NRG1: variants seen among roughly 807,000 people sequenced by gnomAD.
NRG1 encodes neuregulin 1, also known as pro-neuregulin-1, membrane-bound isoform.
In NRG1, 18 loss-of-function variants were observed where a neutral mutation model predicts 63.8. The ratio of observed to expected loss-of-function variants is 0.28; its 90% CI spans 0.19 to 0.42. NRG1 has a LOEUF of 0.42. Among genes scored for constraint, NRG1 ranks in the 10% least tolerant of loss-of-function variants. The pLI is 1.00. For missense variants in NRG1, 762 were observed against 814.7 expected (o/e 0.94, Z 0.79); for synonymous variants, 302 against 301.3 (o/e 1.00, Z -0.02).
intron 1 of NRG1, among the ~76,000 whole-genome samples, chr8:31,994,042 G>A (rs182884283): frequency 3.3e-5 from 5 of 152,000 alleles, no homozygotes; most frequent in Admixed American, 6.6e-5. Flanking sequence ...ATTTTGGCAG[G>A]GTCTAGTTGC....
At chr8:32,491,071 T>C (rs969277725) in intron 1 of NRG1, among the ~76,000 whole-genome samples, 13 of 152,196 alleles carry the variant, frequency 8.5e-5, no homozygotes, top group African/African-American at 3.1e-4. Context: ...CACTGCTTAA[T>C]TATTACGGTT....
intron 1 of NRG1, among the ~76,000 whole-genome samples, chr8:32,062,361 A>G (rs1824027933): frequency 1.3e-5 from 2 of 151,812 alleles, no homozygotes; most frequent in African/African-American, 4.9e-5. Context: ...CTGGATTTTG[A>G]AAAGTATATT....
chr8:32,400,499 C>G (rs1163046797), intron 1 of NRG1, among the ~76,000 whole-genome samples: 1 of 152,194 alleles, frequency 6.6e-6, no homozygotes, highest in Admixed American at 6.5e-5. Flanking sequence ...CGAACAGACA[C>G]TTTTCAAGAG....
At chr8:31,707,126 T>C (rs1237163908) in intron 1 of NRG1, among the ~76,000 whole-genome samples, 2 of 152,112 alleles carry the variant, frequency 1.3e-5, no homozygotes, top group Non-Finnish European at 2.9e-5. Context: ...CTTCCAAGAT[T>C]ATAAAGGAAA....
chr8:32,484,938 G>A (rs951027433), intron 1 of NRG1, among the ~76,000 whole-genome samples: 12 of 152,224 alleles, frequency 7.9e-5, no homozygotes, highest in East Asian at 5.8e-4. Flanking sequence ...AAGATCAGGC[G>A]TAGTGAACAT....
intron 1 of NRG1, among the ~76,000 whole-genome samples, chr8:31,909,639 C>T (rs1832782901): frequency 6.6e-6 from 1 of 152,164 alleles, no homozygotes; most frequent in Non-Finnish European, 1.5e-5. Context: ...CATATGCCTC[C>T]TCTTTACATA....
At chr8:32,599,958 G>C (rs1372053365) in intron 2 of NRG1, among the ~76,000 whole-genome samples, 1 of 152,084 alleles carries the variant, frequency 6.6e-6, no homozygotes, top group African/African-American at 2.4e-5. Flanking sequence ...AATGGAAAAA[G>C]TTTATGTGCA....
At chr8:32,010,785 T>A (rs917029919) in intron 1 of NRG1, among the ~76,000 whole-genome samples, 1 of 152,088 alleles carries the variant, frequency 6.6e-6, no homozygotes, top group Non-Finnish European at 1.5e-5. Flanking sequence ...TAGGTGGGCC[T>A]GGTGTTACAT....
Position 31,927,476 on chromosome 8 carries a change from T to C in NRG1, c.37+288045T>C, listed in dbSNP as rs1160778276. On this transcript the variant is annotated intron_variant, in intron 1 of 10. Transcript: ENST00000519301. ...TTTTTTTTTTTTTTTTGAGACGGAG[T>C]CTCGCTCTGTCGCCCAGGCTGGAGT... Among the ~76,000 whole-genome samples the C allele has an allele frequency of 2.4e-5, 3 of 123,862 alleles. No homozygotes were observed. The East Asian group carries it at 7.5e-4, about 31-fold the overall frequency. 81.3% of individuals were successfully genotyped at this position (123,862 alleles called of 152,430 possible). A position where few individuals can be genotyped will look rare whatever the true frequency, so the allele number is the denominator to read the frequency against.
chr8:32,603,009 A>G (rs907666248), intron 2 of NRG1, among the ~76,000 whole-genome samples: 3 of 152,206 alleles, frequency 2.0e-5, no homozygotes, highest in Non-Finnish European at 2.9e-5. Context: ...GTTAAGACAT[A>G]TCTATTTGCA....
At chr8:31,723,977 T>C (rs1020117191) in intron 1 of NRG1, among the ~76,000 whole-genome samples, 1 of 152,158 alleles carries the variant, frequency 6.6e-6, no homozygotes, top group Non-Finnish European at 1.5e-5. Context: ...ATGTCATTCT[T>C]CCTGGATTTT....
At chr8:31,970,204 G>T (rs921760954) in intron 1 of NRG1, among the ~76,000 whole-genome samples, 1 of 152,090 alleles carries the variant, frequency 6.6e-6, no homozygotes, top group Non-Finnish European at 1.5e-5. Context: ...AGGTTCTGAA[G>T]ATACTAACTT....
chr8:32,607,783 G>C (rs1236825711), intron 3 of NRG1, among the ~76,000 whole-genome samples: 1 of 152,052 alleles, frequency 6.6e-6, no homozygotes, highest in Non-Finnish European at 1.5e-5. Context: ...TTTTTACCTG[G>C]CAAGAATAAA....
At chr8:32,252,979 T>C (rs1463437785) in intron 1 of NRG1, among the ~76,000 whole-genome samples, 1 of 152,246 alleles carries the variant, frequency 6.6e-6, no homozygotes, top group Admixed American at 6.5e-5. Context: ...AGTTCACTCA[T>C]GATTTGGCTC....
chr8:31,692,783 G>A (rs530774871), intron 1 of NRG1, among the ~76,000 whole-genome samples: 1 of 152,136 alleles, frequency 6.6e-6, no homozygotes, highest in Non-Finnish European at 1.5e-5. Context: ...ATGTCTCAGC[G>A]TGGGGAGGTG....
intron 5 of NRG1, among the ~76,000 whole-genome samples, chr8:32,686,616 T>C (rs1338485771): frequency 6.6e-6 from 1 of 152,224 alleles, no homozygotes; most frequent in Non-Finnish European, 1.5e-5. Context: ...ATTTAAGAGA[T>C]ATCAACAGTT....
intron 10 of NRG1, among the ~76,000 whole-genome samples, chr8:32,759,642 C>A (rs780040843): frequency 5.9e-5 from 9 of 152,166 alleles, no homozygotes; most frequent in Non-Finnish European, 1.3e-4. Context: ...GTTTCCCATT[C>A]CTGAGATTGT....
intron 5 of NRG1, among the ~76,000 whole-genome samples, chr8:32,701,352 G>A (rs1034826053): frequency 2.0e-5 from 3 of 152,076 alleles, no homozygotes; most frequent in Non-Finnish European, 2.9e-5. Flanking sequence ...TTCATTCCAT[G>A]TGTTGAAATC....
intron 1 of NRG1, among the ~76,000 whole-genome samples, chr8:32,079,158 C>CACAT (rs1827056961): frequency 6.6e-6 from 1 of 151,326 alleles, no homozygotes; most frequent in South Asian, 2.1e-4. Flanking sequence ...TACACACACA[C>CACAT]ACACACACAC....
Sources: allele counts gnomAD v4.1 joint callset (sites outside exome capture counted in the v4.1 genomes callset), GRCh38; gene constraint gnomAD v4.1.1; transcripts MANE v1.5; gene names NCBI Gene and HGNC (gene_info 2026-07-23, HGNC 2026-07-21).